FUT9: variants seen among roughly 807,000 people sequenced by gnomAD.
FUT9 encodes fucosyltransferase 9, also known as 4-galactosyl-N-acetylglucosaminide 3-alpha-L-fucosyltransferase 9.
In FUT9, 15 loss-of-function variants were observed where a neutral mutation model predicts 29.7. The ratio of observed to expected loss-of-function variants is 0.51; its 90% confidence interval spans 0.34 to 0.78. The LOEUF (loss-of-function observed/expected upper bound fraction) is 0.78. FUT9 is among the 30% of genes least tolerant of loss of function. FUT9 has a pLI of 0.01. For synonymous variants in FUT9, 169 were observed against 153.7 expected (o/e 1.10, Z -0.74); for missense variants, 319 against 425.4 (o/e 0.75, Z 2.20).
intron 2 of FUT9, among the ~76,000 whole-genome samples, chr6:96,139,860 A>AG (rs945446110): frequency 6.6e-6 from 1 of 151,888 alleles, no homozygotes; most frequent in Non-Finnish European, 1.5e-5. Context: ...CTGTGATTGG[A>AG]GGGGGGCTGC....
chr6:96,045,013 C>T (rs1476250316), intron 1 of FUT9, among the ~76,000 whole-genome samples: 1 of 152,050 alleles, frequency 6.6e-6, no homozygotes, highest in African/African-American at 2.4e-5. Flanking sequence ...TATGGGGAGT[C>T]AATCTAATTT....
chr6:96,054,898 T>C (rs1316979392), intron 1 of FUT9, among the ~76,000 whole-genome samples: 1 of 152,172 alleles, frequency 6.6e-6, no homozygotes, highest in Non-Finnish European at 1.5e-5. Flanking sequence ...AAAGAAATAT[T>C]AGTGGTCATT....
At chr6:96,106,888 C>T (rs1771696654) in intron 1 of FUT9, among the ~76,000 whole-genome samples, 2 of 152,178 alleles carry the variant, frequency 1.3e-5, no homozygotes, top group Non-Finnish European at 2.9e-5. Flanking sequence ...ACATATGTCT[C>T]AGTGAAATTA....
intron 2 of FUT9, among the ~76,000 whole-genome samples, chr6:96,171,623 G>C (rs1042632737): frequency 6.6e-6 from 1 of 152,094 alleles, no homozygotes; most frequent in Non-Finnish European, 1.5e-5. Context: ...TTATCTCAAT[G>C]CATGACTCTT....
intron 2 of FUT9, among the ~76,000 whole-genome samples, chr6:96,137,611 A>T (rs1381275344): frequency 6.6e-6 from 1 of 152,104 alleles, no homozygotes; most frequent in Non-Finnish European, 1.5e-5. Context: ...AAGTTGTATT[A>T]ACAGCCAATA....
chr6:96,074,033 T>TA (rs1373286424), intron 1 of FUT9, among the ~76,000 whole-genome samples: 1 of 152,124 alleles, frequency 6.6e-6, no homozygotes. Flanking sequence ...ATTAAAATAA[T>TA]AAAAAATATC....
intron 1 of FUT9, among the ~76,000 whole-genome samples, chr6:96,100,050 G>T (rs566939104): frequency 1.3e-5 from 2 of 152,126 alleles, no homozygotes; most frequent in East Asian, 3.9e-4. Context: ...TACCAAAGGG[G>T]TATTATTCAT....
At chr6:96,156,493 G>C (rs1006791226) in intron 2 of FUT9, among the ~76,000 whole-genome samples, 3 of 152,064 alleles carry the variant, frequency 2.0e-5, no homozygotes, top group Non-Finnish European at 4.4e-5. Context: ...GTTTTCCTTC[G>C]CAGTACAAGG....
intron 2 of FUT9, among the ~76,000 whole-genome samples, chr6:96,181,555 T>C (rs1773307807): frequency 6.6e-6 from 1 of 151,924 alleles, no homozygotes; most frequent in African/African-American, 2.4e-5. Flanking sequence ...CAGTATACAC[T>C]GCACCCTATT....
At chr6:96,172,351 G>T (rs183535834) in intron 2 of FUT9, among the ~76,000 whole-genome samples, 8 of 152,090 alleles carry the variant, frequency 5.3e-5, no homozygotes, top group Non-Finnish European at 1.2e-4. Context: ...TAACATTTTT[G>T]TTGGAAACAT....
chr6:96,168,169 G>T (rs1209525435), intron 2 of FUT9, among the ~76,000 whole-genome samples: 1 of 152,168 alleles, frequency 6.6e-6, no homozygotes, highest in Non-Finnish European at 1.5e-5. Context: ...TTTGAGATTT[G>T]ATGAGCTTTA....
chr6:96,039,771 T>G (rs1770423666), intron 1 of FUT9, among the ~76,000 whole-genome samples: 1 of 152,198 alleles, frequency 6.6e-6, no homozygotes, highest in African/African-American at 2.4e-5. Flanking sequence ...TTCTTTACTA[T>G]GTCTCCTTCA....
intron 2 of FUT9, among the ~76,000 whole-genome samples, chr6:96,198,233 C>T (rs1427295154): frequency 6.6e-6 from 1 of 151,838 alleles, no homozygotes; most frequent in Non-Finnish European, 1.5e-5. Context: ...CGTCATCTAG[C>T]ATTAGGTATA....
intron 1 of FUT9, among the ~76,000 whole-genome samples, chr6:96,039,634 C>G (rs1164714368): frequency 6.6e-6 from 1 of 152,026 alleles, no homozygotes; most frequent in African/African-American, 2.4e-5. Flanking sequence ...CCTCAGTCAC[C>G]GTATCATAAG....
At chr6:96,111,197 T>C (rs1021374904) in intron 1 of FUT9, among the ~76,000 whole-genome samples, 1 of 152,178 alleles carries the variant, frequency 6.6e-6, no homozygotes, top group Non-Finnish European at 1.5e-5. Context: ...TAAAGACTGA[T>C]GTTAAACTAT....
intron 2 of FUT9, among the ~76,000 whole-genome samples, chr6:96,128,942 T>A (rs1421337182): frequency 1.3e-5 from 2 of 151,714 alleles, no homozygotes; most frequent in Non-Finnish European, 2.9e-5. Context: ...CTGCGCAACA[T>A]GGTGAAACAT....
At chr6:96,135,362 G>A (rs953483847) in intron 2 of FUT9, among the ~76,000 whole-genome samples, 3 of 151,850 alleles carry the variant, frequency 2.0e-5, no homozygotes, top group Admixed American at 6.6e-5. Flanking sequence ...TGTAGCCTCA[G>A]ACAATGTCCT....
At chr6:96,067,650 T>C (rs1173056312) in intron 1 of FUT9, among the ~76,000 whole-genome samples, 1 of 152,096 alleles carries the variant, frequency 6.6e-6, no homozygotes, top group East Asian at 1.9e-4. Flanking sequence ...GAGGAAAAAA[T>C]GACTCAAGGA....
intron 2 of FUT9, among the ~76,000 whole-genome samples, chr6:96,159,095 G>A (rs1772846481): frequency 6.6e-6 from 1 of 152,002 alleles, no homozygotes; most frequent in African/African-American, 2.4e-5. Context: ...CTTAAAGACT[G>A]GATAATATAA....
Sources: allele counts gnomAD v4.1 joint callset (sites outside exome capture counted in the v4.1 genomes callset), GRCh38; gene constraint gnomAD v4.1.1; transcripts MANE v1.5; gene names NCBI Gene and HGNC (gene_info 2026-07-23, HGNC 2026-07-21).